Variants in CMSS1 observed in about 807,000 individuals in gnomAD.
CMSS1 encodes cms1 ribosomal small subunit homolog, also known as protein CMSS1.
A neutral mutation model predicts 43.5 loss-of-function variants in CMSS1; 33 were observed. The ratio of observed to expected loss-of-function variants is 0.76; its 90% confidence interval spans 0.57 to 1.01. The LOEUF is 1.01. CMSS1 is among the 50% of genes least tolerant of loss of function. The probability of loss-of-function intolerance (pLI) is 0.00; values close to 1 mark genes in which losing one functional copy is unlikely to be tolerated. For synonymous variants in CMSS1, 115 were observed against 117.2 expected, an observed-to-expected ratio of 0.98 and a Z score of 0.12; for missense variants, 313 against 326.4, an observed-to-expected ratio of 0.96 and a Z score of 0.32.
chr3:100,021,995 T>G (rs1012173482), intron 1 of CMSS1, among the ~76,000 whole-genome samples: 27 of 121,184 alleles, frequency 2.2e-4, no homozygotes, highest in African/African-American at 4.1e-4. Context: ...GAGAGAGAGA[T>G]ATGAGGGGGG....
At chr3:99,946,291 T>G (rs896988385) in intron 1 of CMSS1, among the ~76,000 whole-genome samples, 3 of 152,240 alleles carry the variant, frequency 2.0e-5, no homozygotes, top group African/African-American at 4.8e-5. Context: ...TAGGCTTTTA[T>G]AACTATGTCT....
intron 1 of CMSS1, among the ~76,000 whole-genome samples, chr3:99,988,341 CA>C (rs63321762): frequency 0.35 from 21,700 of 62,348 alleles, 3,375 homozygotes; most frequent in Non-Finnish European, 0.36. Flanking sequence ...ACTAAAAATC[CA>C]AAAAAAAAAA....
chr3:100,149,044 T>TAA, intron 2 of CMSS1, among the ~76,000 whole-genome samples: 1 of 152,226 alleles, frequency 6.6e-6, no homozygotes, highest in South Asian at 2.1e-4. Flanking sequence ...CTCTAATCAA[T>TAA]GTCTACCTAC....
At position 99,904,748 on chromosome 3, in the gene CMSS1, C is replaced by T. The variant is rs147304437; in HGVS notation, c.64+86705C>T. Among the ~76,000 whole-genome samples, 9 of 152,262 alleles carry T rather than the reference C, an allele frequency of 5.9e-5. No homozygotes were observed. The East Asian group carries it at 1.2e-3, about 20-fold the overall frequency. ...GCCTCCCACACCCACTTCTCTTCTG[C>T]GAGACTTCGTTCTATCCATCCTCTT... is the stretch of plus-strand genomic sequence containing the variant. On this transcript the variant is annotated intron_variant, in intron 1 of 9. Coordinates refer to ENST00000421999, the MANE Select transcript of CMSS1 (RefSeq NM_032359.4).
chr3:99,924,487 T>G (rs924744869), intron 1 of CMSS1: 98 of 1,380,342 alleles, frequency 7.1e-5, no homozygotes, highest in Middle Eastern at 5.8e-4. Flanking sequence ...AATGTCCCTG[T>G]TTTGATTAAT....
chr3:99,838,021 A>G (rs1025798877), intron 1 of CMSS1, among the ~76,000 whole-genome samples: 1 of 152,118 alleles, frequency 6.6e-6, no homozygotes, highest in Non-Finnish European at 1.5e-5. Flanking sequence ...ATGCTTTTCT[A>G]TCCCATCATC....
chr3:100,037,275 A>G (rs1474491625), intron 1 of CMSS1, among the ~76,000 whole-genome samples: 4 of 152,208 alleles, frequency 2.6e-5, no homozygotes, highest in Non-Finnish European at 5.9e-5. Flanking sequence ...ACTTACTCAG[A>G]TGGTTTAGAA....
chr3:100,009,038 T>C lies in CMSS1; in HGVS notation c.65-137935T>C, dbSNP rs543636137. Among the ~76,000 whole-genome samples the C allele has an allele frequency of 2.7e-4, 41 of 152,318 alleles. 1 individual carries two copies. Among genetic ancestry groups the C allele is most frequent in the Non-Finnish European group, 5.3e-4 (36 of 68,022 alleles). ...CCACCCAAACCTTTACCATAGTTGC[T>C]AAGAAATAATAAAAATGACTGGTTT... On this transcript the variant is annotated intron_variant, in intron 1 of 9. Coordinates refer to ENST00000421999, the MANE Select transcript of CMSS1 (RefSeq NM_032359.4).
intron 1 of CMSS1, among the ~76,000 whole-genome samples, chr3:99,947,533 C>T (rs983787649): frequency 6.6e-6 from 1 of 152,182 alleles, no homozygotes; most frequent in Non-Finnish European, 1.5e-5. Context: ...GGAACCTTGA[C>T]TTTGTCTGGA....
intron 1 of CMSS1, among the ~76,000 whole-genome samples, chr3:99,938,062 T>TGC (rs772159885): frequency 2.2e-4 from 20 of 92,048 alleles, no homozygotes; most frequent in Non-Finnish European, 3.5e-4. Flanking sequence ...TGTGTGTGTG[T>TGC]GTGTGTGTGT....
chr3:100,125,924 G>C (rs1317460084), intron 1 of CMSS1, among the ~76,000 whole-genome samples: 1 of 152,130 alleles, frequency 6.6e-6, no homozygotes, highest in Admixed American at 6.5e-5. Flanking sequence ...CTGGAACAAT[G>C]CTTTTCTATA....
At chr3:100,114,909 C>T in intron 1 of CMSS1, 1 of 1,514,990 alleles carries the variant, frequency 6.6e-7, no homozygotes, top group South Asian at 1.2e-5. Context: ...TGGACTCAAA[C>T]TTGAATGCCT....
intron 1 of CMSS1, among the ~76,000 whole-genome samples, chr3:99,931,831 T>C (rs1230650052): frequency 1.3e-5 from 2 of 152,324 alleles, no homozygotes; most frequent in African/African-American, 2.4e-5. Context: ...AATGAATTTA[T>C]AATAGGAAGA....
At chr3:100,117,058 A>G (rs1007632340) in intron 1 of CMSS1, among the ~76,000 whole-genome samples, 3 of 152,208 alleles carry the variant, frequency 2.0e-5, no homozygotes, top group East Asian at 1.9e-4. Flanking sequence ...ACAAAAGTTT[A>G]TAAAGACTGA....
At chr3:100,122,202 T>C (rs1435999336) in intron 1 of CMSS1, among the ~76,000 whole-genome samples, 1 of 152,246 alleles carries the variant, frequency 6.6e-6, no homozygotes, top group African/African-American at 2.4e-5. Flanking sequence ...GTTCATGCTG[T>C]GTACAAGTAC....
chr3:99,995,357 T>A (rs367543308), intron 1 of CMSS1, among the ~76,000 whole-genome samples: 1 of 152,212 alleles, frequency 6.6e-6, no homozygotes, highest in East Asian at 1.9e-4. Flanking sequence ...AGAGGTGGGT[T>A]CCCATGGTCT....
intron 1 of CMSS1, among the ~76,000 whole-genome samples, chr3:99,966,401 T>A (rs928436429): frequency 1.3e-5 from 2 of 152,154 alleles, no homozygotes; most frequent in African/African-American, 4.8e-5. Context: ...TGGATAGATT[T>A]TTTTTTTCGG....
intron 1 of CMSS1, among the ~76,000 whole-genome samples, chr3:100,099,996 A>G (rs1277306427): frequency 2.6e-5 from 4 of 152,200 alleles, no homozygotes; most frequent in Admixed American, 2.6e-4. Context: ...TAGGAGAGAA[A>G]AAAGTTTGAC....
intron 8 of CMSS1, 133 bp from the exon 9 acceptor site, chr3:100,176,193 TA>T (rs1412275285): frequency 6.7e-6 from 4 of 594,938 alleles, no homozygotes; most frequent in Middle Eastern, 3.0e-4. Context: ...GGGCAGCACT[TA>T]ATGTGCGGAG....
Sources: allele counts gnomAD v4.1 joint callset (sites outside exome capture counted in the v4.1 genomes callset), GRCh38; gene constraint gnomAD v4.1.1; transcripts MANE v1.5; gene names NCBI Gene and HGNC (gene_info 2026-07-23, HGNC 2026-07-21).